OPRM1: variants seen among roughly 807,000 people sequenced by gnomAD.
OPRM1 encodes mu-type opioid receptor.
OPRM1 carries 27 observed loss-of-function variants against 31.8 expected under a neutral mutation model. The observed-to-expected ratio is 0.85, with a 90% CI of 0.63 to 1.17. The LOEUF is 1.17. OPRM1 is among the 50% of genes most tolerant of loss of function. The probability of loss-of-function intolerance (pLI) is 0.00; values close to 1 mark genes in which losing one functional copy is unlikely to be tolerated. For missense variants in OPRM1, 536 were observed against 511.1 expected (o/e 1.05, Z -0.47); for synonymous variants, 196 against 189.9 (o/e 1.03, Z -0.26).
chr6:154,200,083 A>G, intron 3 of OPRM1: 1 of 1,525,762 alleles, frequency 6.6e-7, no homozygotes. Flanking sequence ...AAAAGACATC[A>G]TGATTAAACC....
chr6:154,222,828 A>G (rs980284998), intron 3 of OPRM1: 1 of 306,400 alleles, frequency 3.3e-6, no homozygotes, highest in Non-Finnish European at 6.3e-6. Flanking sequence ...GGTGAGTCCT[A>G]TTTAACTGCT....
rs118001678 is a variant in OPRM1 at position 154,121,829 on chromosome 6, G to A, written c.*3108G>A. Among the ~76,000 whole-genome samples, 557 of 152,222 alleles carry A rather than the reference G, an allele frequency of 3.7e-3. 2 individuals carry two copies. Among genetic ancestry groups the A allele is most frequent in the Middle Eastern group, 0.01 (3 of 292 alleles). On this transcript the variant is annotated 3_prime_UTR_variant, in exon 4 of 4. Transcript: ENST00000330432. The stretch of plus-strand genomic sequence containing the variant: ...CAAAGCATTCAAAATCTTTACTTAA[G>A]TCAAGTCTATTTATACGTTTAAAAG...
chr6:154,076,991 G>A (rs571758573), intron 1 of OPRM1, among the ~76,000 whole-genome samples: 4 of 151,996 alleles, frequency 2.6e-5, no homozygotes, highest in Non-Finnish European at 5.9e-5. Context: ...AAAAAATTGC[G>A]GTTAAGAGAG....
In OPRM1 at chr6:154,219,638, TA is replaced by T. The variant is rs879751181; in HGVS notation, c.1165-27045del. ...AACAGGATTTAGCAACTGATGCAAA[TA>T]AAAAAAAAATAAGTAAAGATCTTTG... is the stretch of plus-strand genomic sequence containing the variant. On this transcript the variant is annotated intron_variant, in intron 3 of 3. Transcript: ENST00000337049. Among the ~76,000 whole-genome samples, 374 of 147,612 alleles carry T rather than the reference TA, an allele frequency of 2.5e-3. 4 individuals are homozygous for T. The highest frequency in any genetic ancestry group is 8.0e-3 in the African/African-American group (325 of 40,460).
intron 1 of OPRM1, among the ~76,000 whole-genome samples, chr6:154,067,554 AGATTTAATTTG>A (rs1433772963): frequency 6.6e-6 from 1 of 151,736 alleles, no homozygotes; most frequent in African/African-American, 2.4e-5. Context: ...TAATTTATTA[AGATTTAATTTG>A]TGGTCTAACA....
chr6:154,169,457 C>T (rs144579123), intron 3 of OPRM1, among the ~76,000 whole-genome samples: 402 of 152,272 alleles, frequency 2.6e-3, no homozygotes, highest in Non-Finnish European at 4.8e-3. Flanking sequence ...TCTTTAAACC[C>T]ATGCAAGTCG....
At chr6:154,047,778 G>A (rs1168611038) in intron 1 of OPRM1, among the ~76,000 whole-genome samples, 1 of 152,118 alleles carries the variant, frequency 6.6e-6, no homozygotes, top group Non-Finnish European at 1.5e-5. Flanking sequence ...TATGTAAGTA[G>A]GTGTCTTCGT....
intron 1 of OPRM1, chr6:154,083,600 G>C (rs1399490047): frequency 1.3e-5 from 2 of 152,398 alleles, no homozygotes; most frequent in African/African-American, 4.8e-5. Flanking sequence ...ATTGGGAGAG[G>C]ACAAAAGAGC....
At chr6:154,137,162 C>T (rs531341963), downstream of OPRM1, among the ~76,000 whole-genome samples, 4 of 152,266 alleles carry the variant, frequency 2.6e-5, no homozygotes, top group Admixed American at 2.6e-4. Flanking sequence ...TTTTAACCTC[C>T]ACATTACACT....
intron 3 of OPRM1, among the ~76,000 whole-genome samples, chr6:154,140,612 G>T (rs570329842): frequency 6.6e-6 from 1 of 152,182 alleles, no homozygotes; most frequent in African/African-American, 2.4e-5. Context: ...TTACAGGTGT[G>T]AGCAGCCCCG....
upstream of OPRM1, among the ~76,000 whole-genome samples, chr6:154,034,458 G>A (rs1779182405): frequency 6.6e-6 from 1 of 152,212 alleles, no homozygotes; most frequent in African/African-American, 2.4e-5. Context: ...TGAGGCGGGA[G>A]AAAGGCGTGA....
intron 3 of OPRM1, among the ~76,000 whole-genome samples, chr6:154,228,226 G>A (rs929135008): frequency 1.3e-5 from 2 of 151,998 alleles, no homozygotes; most frequent in African/African-American, 4.8e-5. Context: ...AGCGCTTTGG[G>A]AGGCCGAGGC....
Position 154,127,152 on chromosome 6 carries a change from T to G in OPRM1, c.*8431T>G, listed in dbSNP as rs1797639112. On this transcript the variant is annotated 3_prime_UTR_variant, in exon 4 of 4. Coordinates refer to ENST00000330432, the MANE Select transcript of OPRM1 (RefSeq NM_000914.5). Reference sequence around the variant, plus strand: ...CATGCCATGCTATGTGCCCAAAGTTTCCTTCACACAACACAGCCTTGAGAT... The same window carrying G: ...CATGCCATGCTATGTGCCCAAAGTTGCCTTCACACAACACAGCCTTGAGAT... Among the ~76,000 whole-genome samples, 1 of 151,834 alleles carries G rather than the reference T, an allele frequency of 6.6e-6. No individual in the cohort carries two copies. The highest frequency in any genetic ancestry group is 2.4e-5 in the African/African-American group (1 of 41,310).
chr6:154,180,414 A>ATTT (rs761333730), intron 3 of OPRM1, among the ~76,000 whole-genome samples: 31 of 65,262 alleles, frequency 4.8e-4, no homozygotes, highest in East Asian at 2.5e-3. Context: ...ATATATATAT[A>ATTT]TTTTTTTTTT....
At chr6:154,048,512 A>G (rs574620767) in intron 1 of OPRM1, among the ~76,000 whole-genome samples, 28 of 152,346 alleles carry the variant, frequency 1.8e-4, no homozygotes, top group African/African-American at 6.5e-4. Flanking sequence ...TAAAACTTAA[A>G]GACTTGAACT....
At chr6:154,232,620 A>T (rs1262366722) in intron 3 of OPRM1, among the ~76,000 whole-genome samples, 2 of 152,198 alleles carry the variant, frequency 1.3e-5, no homozygotes, top group Non-Finnish European at 2.9e-5. Context: ...AGGCTCAGGA[A>T]CTGAAATGGG....
Position 154,122,703 on chromosome 6 carries a change from T to C in OPRM1, c.*3982T>C, listed in dbSNP as rs1187111121. 6.6e-6 allele frequency among the ~76,000 whole-genome samples: 1 copy of C among 152,206 alleles called. No individual in the cohort carries two copies. The highest frequency in any genetic ancestry group is 2.4e-5 in the African/African-American group (1 of 41,454). ...GTGGATAGCTTTGTGAGCTGCAGTGTGTGGCAAATGTTCAACCTTTTGTTA... is the reference window on the plus strand; with the variant it reads ...GTGGATAGCTTTGTGAGCTGCAGTGCGTGGCAAATGTTCAACCTTTTGTTA... On this transcript the variant is annotated 3_prime_UTR_variant, in exon 4 of 4. Transcript: ENST00000330432.
chr6:154,088,850 C>T (rs911644926), intron 1 of OPRM1, among the ~76,000 whole-genome samples: 1 of 152,192 alleles, frequency 6.6e-6, no homozygotes, highest in African/African-American at 2.4e-5. Context: ...TTGCCATTCC[C>T]TGGTAGAATG....
chr6:154,098,809 G>A (rs2128496929), intron 3 of OPRM1, among the ~76,000 whole-genome samples: 1 of 152,312 alleles, frequency 6.6e-6, no homozygotes, highest in East Asian at 1.9e-4. Flanking sequence ...TCTGTGGGGT[G>A]TAGAACAAAA....
Sources: allele counts gnomAD v4.1 joint callset (sites outside exome capture counted in the v4.1 genomes callset), GRCh38; gene constraint gnomAD v4.1.1; transcripts MANE v1.5; gene names NCBI Gene and HGNC (gene_info 2026-07-23, HGNC 2026-07-21).